ULK4: variants seen among roughly 807,000 people sequenced by gnomAD.
ULK4 encodes the protein unc-51 like kinase 4, also known as inactive serine/threonine-protein kinase ULK4.
ULK4 carries 133 observed loss-of-function variants against 160.6 expected under a neutral mutation model. The ratio of observed to expected loss-of-function variants is 0.83; its 90% confidence interval spans 0.72 to 0.96. The LOEUF is 0.96. Ranked by LOEUF, ULK4 falls within the 40% of genes least tolerant of loss-of-function variation. The probability of loss-of-function intolerance (pLI) is 0.00; values close to 1 mark genes in which losing one functional copy is unlikely to be tolerated. For synonymous variants in ULK4, 534 were observed against 539.8 expected (o/e 0.99, Z 0.15); for missense variants, 1,580 against 1,499.5 (o/e 1.05, Z -0.89).
chr3:41,332,440 C>G (rs928836950), intron 35 of ULK4, among the ~76,000 whole-genome samples: 1 of 152,206 alleles, frequency 6.6e-6, no homozygotes, highest in Non-Finnish European at 1.5e-5. Flanking sequence ...ATATTTTCAG[C>G]TTCCCACCTT....
At chr3:41,761,603 C>T (rs2038987623) in intron 21 of ULK4, among the ~76,000 whole-genome samples, 1 of 151,452 alleles carries the variant, frequency 6.6e-6, no homozygotes, top group Non-Finnish European at 1.5e-5. Flanking sequence ...TATAGAAGAC[C>T]TAAATAACAT....
chr3:41,279,402 T>G (rs756049695), intron 35 of ULK4, among the ~76,000 whole-genome samples: 44 of 152,038 alleles, frequency 2.9e-4, no homozygotes, highest in Non-Finnish European at 4.9e-4. Context: ...TATTATCCAG[T>G]AGAACTTCCC....
chr3:41,634,126 C>CA (rs1488499696), intron 30 of ULK4, among the ~76,000 whole-genome samples: 2 of 152,252 alleles, frequency 1.3e-5, no homozygotes, highest in African/African-American at 4.8e-5. Flanking sequence ...CTGTGCCTTT[C>CA]ATGGGATCCT....
At chr3:41,516,527 GCAA>G (rs1249829623) in intron 32 of ULK4, among the ~76,000 whole-genome samples, 3 of 152,068 alleles carry the variant, frequency 2.0e-5, no homozygotes, top group Non-Finnish European at 4.4e-5. Context: ...CCAGTCATTT[GCAA>G]CAACATGGAT....
At chr3:41,599,079 T>C (rs563430040) in intron 31 of ULK4, among the ~76,000 whole-genome samples, 80 of 152,362 alleles carry the variant, frequency 5.3e-4, no homozygotes, top group African/African-American at 1.9e-3. Flanking sequence ...CAGTGCATCA[T>C]GTCACTCTGA....
intron 35 of ULK4, among the ~76,000 whole-genome samples, chr3:41,333,000 T>C (rs947562078): frequency 3.9e-5 from 6 of 152,250 alleles, no homozygotes; most frequent in Admixed American, 2.0e-4. Context: ...CAACAAAGCA[T>C]TGCACAGTGA....
At chr3:41,543,058 C>G (rs1163442090) in intron 32 of ULK4, among the ~76,000 whole-genome samples, 1 of 152,048 alleles carries the variant, frequency 6.6e-6, no homozygotes, top group Non-Finnish European at 1.5e-5. Context: ...TCCCAAGGAG[C>G]AGAATTTTGC....
chr3:41,651,423 G>T (rs1157490320), intron 30 of ULK4, among the ~76,000 whole-genome samples: 2 of 152,154 alleles, frequency 1.3e-5, no homozygotes, highest in East Asian at 1.9e-4. Context: ...CTAGTGGAAG[G>T]TATGTTTGTT....
intron 35 of ULK4, among the ~76,000 whole-genome samples, chr3:41,334,273 G>A (rs2080506496): frequency 6.6e-6 from 1 of 152,122 alleles, no homozygotes; most frequent in African/African-American, 2.4e-5. Context: ...TGGGTTGAGA[G>A]GCTGCCTCAT....
In ULK4 at chr3:41,382,673, G is replaced by A. The variant is rs117375392; in HGVS notation, c.3678+15406C>T. Among the ~76,000 whole-genome samples, 1,022 of 152,030 alleles carry A rather than the reference G, an allele frequency of 6.7e-3. 4 individuals carry two copies. The highest frequency in any genetic ancestry group is 0.015 in the East Asian group (79 of 5,166). On this transcript the variant is annotated intron_variant, in intron 35 of 36. Coordinates refer to ENST00000301831, the MANE Select transcript of ULK4 (RefSeq NM_017886.4). The stretch of plus-strand genomic sequence containing the variant: ...AGTTTACAAAAAAAAACAAGAGGTC[G>A]TACTTTACATGATAATGTTTCAATT...
At chr3:41,809,693 CTG>C (rs1290655722) in intron 19 of ULK4, among the ~76,000 whole-genome samples, 16 of 152,174 alleles carry the variant, frequency 1.1e-4, no homozygotes, top group African/African-American at 3.9e-4. Context: ...CTACTTATCT[CTG>C]TGCCACACTA....
chr3:41,279,414 A>G (rs950872517), intron 35 of ULK4, among the ~76,000 whole-genome samples: 4 of 152,236 alleles, frequency 2.6e-5, no homozygotes, highest in African/African-American at 9.6e-5. Context: ...GAACTTCCCC[A>G]ACCTAGCAAG....
intron 30 of ULK4, among the ~76,000 whole-genome samples, chr3:41,635,341 C>G (rs1045257839): frequency 2.0e-5 from 3 of 151,922 alleles, no homozygotes; most frequent in Admixed American, 6.6e-5. Flanking sequence ...AACCACTAGC[C>G]TGTGTTTGTG....
intron 32 of ULK4, among the ~76,000 whole-genome samples, chr3:41,491,133 G>A (rs2084743954): frequency 6.6e-6 from 1 of 152,136 alleles, no homozygotes; most frequent in African/African-American, 2.4e-5. Context: ...ACTATTGAGG[G>A]ACACAGAGGC....
At chr3:41,431,935 G>A (rs999091590) in intron 34 of ULK4, among the ~76,000 whole-genome samples, 25 of 151,590 alleles carry the variant, frequency 1.6e-4, no homozygotes, top group Admixed American at 2.6e-4. Flanking sequence ...GACTACAGGC[G>A]CCGGCCACCA....
rs1376816912 is a variant in ULK4, at chr3:41,776,470, A to G, written c.2193+13191T>C. Among the ~76,000 whole-genome samples the G allele has an allele frequency of 3.3e-5, 5 of 151,010 alleles. No homozygotes were observed. The East Asian group carries it at 9.6e-4, about 29-fold the overall frequency. ...CACTCAAATGTCAACAAAAAAACTAATTGAATAAAAATGTGGTACAGTCAC... is the reference window on the plus strand; with the variant it reads ...CACTCAAATGTCAACAAAAAAACTAGTTGAATAAAAATGTGGTACAGTCAC... On this transcript the variant is annotated intron_variant, in intron 21 of 36. Transcript: ENST00000301831.
chr3:41,583,309 C>T (rs1229335317), intron 31 of ULK4, among the ~76,000 whole-genome samples: 1 of 151,980 alleles, frequency 6.6e-6, no homozygotes, highest in Admixed American at 6.6e-5. Flanking sequence ...TATGAGTTTG[C>T]CTCTCTCTAT....
intron 34 of ULK4, among the ~76,000 whole-genome samples, chr3:41,414,106 C>T (rs1033618595): frequency 1.3e-5 from 2 of 152,234 alleles, no homozygotes; most frequent in African/African-American, 4.8e-5. Flanking sequence ...GAGGCCAAGG[C>T]AGGAGAATCG....
intron 22 of ULK4, 37 bp from the exon 23 acceptor site, chr3:41,717,898 T>A: frequency 6.3e-7 from 1 of 1,595,264 alleles, no homozygotes; most frequent in Non-Finnish European, 8.6e-7. Context: ...CCTCTCATGA[T>A]AAAACACTTG....
Sources: allele counts gnomAD v4.1 joint callset (sites outside exome capture counted in the v4.1 genomes callset), GRCh38; gene constraint gnomAD v4.1.1; transcripts MANE v1.5; gene names NCBI Gene and HGNC (gene_info 2026-07-23, HGNC 2026-07-21).